Variants in STK40 observed in about 807,000 individuals in gnomAD.
STK40 encodes serine/threonine kinase 40, also known as serine/threonine-protein kinase 40.
A neutral mutation model predicts 47.9 loss-of-function variants in STK40; 13 were observed. That is an observed-to-expected ratio of 0.27 (90% CI 0.18 to 0.43). The LOEUF (loss-of-function observed/expected upper bound fraction) is 0.43. Among genes scored for constraint, STK40 ranks in the 20% least tolerant of loss-of-function variants. STK40 has a pLI of 1.00. For synonymous variants in STK40, 225 were observed against 243.2 expected (o/e 0.93, Z 0.69); for missense variants, 460 against 595.1 (o/e 0.77, Z 2.36).
At chr1:36,369,623 C>A (rs183626553) in intron 1 of STK40, among the ~76,000 whole-genome samples, 1 of 152,334 alleles carries the variant, frequency 6.6e-6, no homozygotes, top group East Asian at 1.9e-4. Flanking sequence ...TGCAGAAAGT[C>A]TTCACAGAAG....
At chr1:36,353,871 A>G (rs1274315309) in intron 6 of STK40, among the ~76,000 whole-genome samples, 1 of 152,164 alleles carries the variant, frequency 6.6e-6, no homozygotes, top group Admixed American at 6.5e-5. Context: ...TCCTGAGGAA[A>G]TTGACCTATG....
intron 7 of STK40, among the ~76,000 whole-genome samples, chr1:36,345,570 G>A (rs1253485733): frequency 6.6e-6 from 1 of 152,170 alleles, no homozygotes; most frequent in African/African-American, 2.4e-5. Context: ...TGACTGTGTG[G>A]CTGACCCCAT....
Position 36,344,040 on chromosome 1 carries a change from C to G in STK40, c.885-61G>C, listed in dbSNP as rs1646677929. On this transcript the variant is annotated intron_variant, in intron 8 of 10. Transcript: ENST00000373132. Reference sequence around the variant, plus strand: ...TGGTGCTGGGTCTGTGGCCAGGATGCCCAGGCTCACTGTGCCGTTTCCCTG... The same window carrying G: ...TGGTGCTGGGTCTGTGGCCAGGATGGCCAGGCTCACTGTGCCGTTTCCCTG... 6 of 1,588,248 alleles carry G rather than the reference C, an allele frequency of 3.8e-6. No individual in the cohort carries two copies. The South Asian group carries it at 6.8e-5, about 18-fold the overall frequency.
At chr1:36,367,705 G>A (rs1646914075) in intron 1 of STK40, 1 of 548,508 alleles carries the variant, frequency 1.8e-6, no homozygotes, top group African/African-American at 2.1e-5. Context: ...CGCCACCACT[G>A]ATCTCCCCAG....
Position 36,343,394 on chromosome 1 carries a change from G to T in STK40, c.1059C>A (p.Asp353Glu). The T allele has an allele frequency of 6.2e-7, 1 of 1,613,614 alleles. No individual in the cohort carries two copies. Among genetic ancestry groups the T allele is most frequent in the Non-Finnish European group, 8.5e-7 (1 of 1,179,784 alleles). The change falls in exon 10 of 11, where the codon GAC becomes GAA. Residue 353 changes from aspartate (D) to glutamate (E), a missense_variant. By Grantham distance (45) the Asp-to-Glu change is conservative. Transcript: ENST00000373132. ...GPLQVVPDIDDQMSNADSSQE... is the reference protein window; with the variant it reads ...GPLQVVPDIDEQMSNADSSQE... ...GGGAGCTATCCGCATTGCTCATTTG[G>T]TCATCAATGTCAGGAACCACTTGCA...
chr1:36,359,788 C>T (rs1168576708), intron 2 of STK40, among the ~76,000 whole-genome samples: 4 of 152,224 alleles, frequency 2.6e-5, no homozygotes, highest in Non-Finnish European at 4.4e-5. Context: ...TTCCCGCCCA[C>T]CTTTCTAACA....
At chr1:36,353,539 T>C (rs78144054) in intron 6 of STK40, among the ~76,000 whole-genome samples, 8,512 of 152,284 alleles carry the variant, frequency 0.056, 769 homozygotes, top group African/African-American at 0.19. Flanking sequence ...CATGCTCTCC[T>C]TGCTGCTGAG....
At chr1:36,359,371 A>C (rs1646832684) in intron 2 of STK40, among the ~76,000 whole-genome samples, 1 of 152,164 alleles carries the variant, frequency 6.6e-6, no homozygotes, top group Non-Finnish European at 1.5e-5. Context: ...GTGCCACTGC[A>C]CTCCAGCCAG....
chr1:36,375,421 C>T (rs1436108093), intron 1 of STK40, among the ~76,000 whole-genome samples: 3 of 151,648 alleles, frequency 2.0e-5, no homozygotes, highest in African/African-American at 4.8e-5. Flanking sequence ...GCAGGAGAAT[C>T]GCTTGAACCC....
intron 4 of STK40, 147 bp downstream of exon 4, chr1:36,358,092 C>T (rs1368312419): frequency 4.9e-6 from 5 of 1,018,348 alleles, no homozygotes; most frequent in Non-Finnish European, 2.6e-6. Context: ...CAGCCCATCT[C>T]ACCCACCCTG....
intron 6 of STK40, among the ~76,000 whole-genome samples, chr1:36,352,671 C>G (rs1646769724): frequency 6.6e-6 from 1 of 152,202 alleles, no homozygotes; most frequent in African/African-American, 2.4e-5. Flanking sequence ...GTTCTCATCC[C>G]TTCACTTTCT....
intron 1 of STK40, among the ~76,000 whole-genome samples, chr1:36,384,930 A>G (rs190688215): frequency 3.9e-5 from 6 of 152,236 alleles, no homozygotes; most frequent in Non-Finnish European, 8.8e-5. Context: ...AAACCAAAGC[A>G]AAGCCAACCG....
intron 1 of STK40, among the ~76,000 whole-genome samples, chr1:36,367,510 C>T (rs1646912881): frequency 6.6e-6 from 1 of 152,202 alleles, no homozygotes. Flanking sequence ...CCCAGCAAGG[C>T]AGTGAAAGCC....
chr1:36,341,677 G>A lies in STK40; in HGVS notation c.*78C>T. On this transcript the variant is annotated 3_prime_UTR_variant, in exon 11 of 11. Transcript: ENST00000373132. ...TGGCCCGGGAGAGTCCAGCACTACA[G>A]GGCCCAGCCCTGACAGCCACGCCTT... The A allele has an allele frequency of 6.4e-7, 1 of 1,554,190 alleles. No individual in the cohort carries two copies. The highest frequency in any genetic ancestry group is 8.8e-7 in the Non-Finnish European group (1 of 1,139,160).
chr1:36,378,987 G>A (rs12048653), intron 1 of STK40, among the ~76,000 whole-genome samples: 28 of 152,236 alleles, frequency 1.8e-4, no homozygotes, highest in East Asian at 1.7e-3. Flanking sequence ...TCCCCAAGGC[G>A]CTGAACCGAG....
chr1:36,366,257 C>T (rs1412371956), intron 1 of STK40, among the ~76,000 whole-genome samples: 4 of 152,172 alleles, frequency 2.6e-5, no homozygotes, highest in South Asian at 2.1e-4. Flanking sequence ...CAGCCTGACC[C>T]GCCCCTCCCC....
chr1:36,354,505 C>A, intron 5 of STK40, 89 bp from the exon 6 acceptor site: 2 of 1,398,064 alleles, frequency 1.4e-6, no homozygotes, highest in South Asian at 2.3e-5. Flanking sequence ...TCCAGGTGTT[C>A]GAGAAGGCAG....
At chr1:36,383,999 T>C (rs1271830654) in intron 1 of STK40, among the ~76,000 whole-genome samples, 4 of 149,112 alleles carry the variant, frequency 2.7e-5, no homozygotes, top group Admixed American at 2.7e-4. Flanking sequence ...CCCACAGTAC[T>C]CTCTTGCTGC....
intron 6 of STK40, among the ~76,000 whole-genome samples, chr1:36,351,394 C>A (rs146465323): frequency 9.5e-4 from 144 of 152,182 alleles, no homozygotes; most frequent in African/African-American, 3.2e-3. Flanking sequence ...TGGGAAGGGG[C>A]TGGAGTGGGC....
Sources: allele counts gnomAD v4.1 joint callset (sites outside exome capture counted in the v4.1 genomes callset), GRCh38; gene constraint gnomAD v4.1.1; transcripts MANE v1.5; gene names NCBI Gene and HGNC (gene_info 2026-07-23, HGNC 2026-07-21).